Variants in HEPHL1 observed in about 807,000 individuals in gnomAD.
HEPHL1 encodes the protein ferroxidase HEPHL1.
HEPHL1 carries 123 observed loss-of-function variants against 122.0 expected under a neutral mutation model. That is an observed-to-expected ratio of 1.01 (90% CI 0.87 to 1.17). HEPHL1 has a LOEUF of 1.17. Among genes scored for constraint, HEPHL1 ranks in the 50% most tolerant of loss-of-function variants. HEPHL1 has a pLI of 0.00. For missense variants in HEPHL1, 1,452 were observed against 1,430.5 expected (o/e 1.01, Z -0.24); for synonymous variants, 527 against 508.9 (o/e 1.04, Z -0.48).
Position 94,070,671 on chromosome 11 carries a change from C to A in HEPHL1, c.1232+129C>A, listed in dbSNP as rs148179366. On this transcript the variant is annotated intron_variant, in intron 6 of 19. Coordinates refer to ENST00000315765, the MANE Select transcript of HEPHL1 (RefSeq NM_001098672.2). Reference sequence around the variant, plus strand: ...ATACTGCATAGATGGCATAATGTAGCTGCTTAAGGTGTTCTTAATACTGCA... The same window carrying A: ...ATACTGCATAGATGGCATAATGTAGATGCTTAAGGTGTTCTTAATACTGCA... 2.7e-3 allele frequency: 1,978 copies of A among 731,308 alleles called. 5 individuals are homozygous for A. The highest frequency in any genetic ancestry group is 0.019 in the Middle Eastern group (51 of 2,638). 45.3% of individuals were successfully genotyped at this position (731,308 alleles called of 1,614,324 possible).
chr11:94,095,749 A>T (rs1164539672), intron 13 of HEPHL1, among the ~76,000 whole-genome samples: 2 of 152,090 alleles, frequency 1.3e-5, no homozygotes, highest in Admixed American at 6.5e-5. Flanking sequence ...ATCCCTTGTA[A>T]GTTGGATTCC....
chr11:94,044,055 G>T (rs1435284433), intron 1 of HEPHL1, among the ~76,000 whole-genome samples: 1 of 151,930 alleles, frequency 6.6e-6, no homozygotes, highest in South Asian at 2.1e-4. Flanking sequence ...CCCAGGAGTG[G>T]TGGAGCTTTT....
intron 1 of HEPHL1, 30 bp downstream of exon 1, chr11:94,021,568 C>G: frequency 6.5e-7 from 1 of 1,539,354 alleles, no homozygotes; most frequent in South Asian, 1.2e-5. Context: ...TCATTGACTC[C>G]CAGGTTTGGC....
At position 94,078,446 on chromosome 11, in the gene HEPHL1, CAT is replaced by C. The variant is rs6144452; in HGVS notation, c.1716+3090_1716+3091del. ...GACACCAGCCACTACTCAGATGTTC[CAT>C]ATATATATATATATATATATATATA... is the stretch of plus-strand genomic sequence containing the variant. On this transcript the variant is annotated intron_variant, in intron 9 of 19. Transcript: ENST00000315765. Among the ~76,000 whole-genome samples, 55 of 111,556 alleles carry C rather than the reference CAT, an allele frequency of 4.9e-4. 2 individuals are homozygous for C. The highest frequency in any genetic ancestry group is 2.2e-3 in the East Asian group (9 of 4,010). The allele number at this position is 111,556 out of a possible 152,430, so 73.2% of individuals were successfully genotyped here.
intron 2 of HEPHL1, among the ~76,000 whole-genome samples, chr11:94,051,971 G>A (rs1205392971): frequency 6.6e-6 from 1 of 152,116 alleles, no homozygotes; most frequent in East Asian, 1.9e-4. Flanking sequence ...TTATTTCCAG[G>A]TTCTCTATTC....
At chr11:94,065,752 G>T (rs1345647883) in intron 4 of HEPHL1, among the ~76,000 whole-genome samples, 1 of 152,142 alleles carries the variant, frequency 6.6e-6, no homozygotes, top group Non-Finnish European at 1.5e-5. Flanking sequence ...CTCAAATATT[G>T]CAGAAAACTA....
At chr11:94,035,837 C>T (rs373240713) in intron 1 of HEPHL1, among the ~76,000 whole-genome samples, 3 of 152,248 alleles carry the variant, frequency 2.0e-5, no homozygotes, top group South Asian at 2.1e-4. Flanking sequence ...CCTGGGTTCA[C>T]GCCATTCTCC....
chr11:94,107,024 A>G (rs1946414787), intron 17 of HEPHL1, among the ~76,000 whole-genome samples: 1 of 152,094 alleles, frequency 6.6e-6, no homozygotes, highest in African/African-American at 2.4e-5. Context: ...CCCAACTGCC[A>G]GGCCCGACCC....
At chr11:94,076,425 G>A (rs1292258788) in intron 9 of HEPHL1, among the ~76,000 whole-genome samples, 4 of 152,178 alleles carry the variant, frequency 2.6e-5, no homozygotes, top group South Asian at 2.1e-4. Context: ...TTGCTTCCTC[G>A]CAGCTAAATA....
At chr11:94,037,012 G>A (rs1248485808) in intron 1 of HEPHL1, among the ~76,000 whole-genome samples, 6 of 152,266 alleles carry the variant, frequency 3.9e-5, no homozygotes, top group South Asian at 4.1e-4. Context: ...GTGGGTGCGC[G>A]CACCGTGCAC....
Position 94,112,725 on chromosome 11 carries a change from G to A in HEPHL1, c.*831G>A, listed in dbSNP as rs1454915070. 6.6e-6 allele frequency: 1 copy of A among 152,204 alleles called. No homozygotes were observed. Among genetic ancestry groups the A allele is most frequent in the East Asian group, 1.9e-4 (1 of 5,196 alleles). The allele number at this position is 152,204 out of a possible 1,614,324, so 9.4% of individuals were successfully genotyped here. A position where few individuals can be genotyped will look rare whatever the true frequency, so the allele number is the denominator to read the frequency against. On this transcript the variant is annotated 3_prime_UTR_variant, in exon 20 of 20. Transcript: ENST00000315765. ...AGAACATGTTAGGCTCTCCCTTTAT[G>A]AATCAGGGACTCCCTGAGAGTTTAG...
chr11:94,022,074 T>A (rs1341447597), intron 1 of HEPHL1, among the ~76,000 whole-genome samples: 1 of 152,226 alleles, frequency 6.6e-6, no homozygotes, highest in East Asian at 1.9e-4. Flanking sequence ...GCGCTTTCAC[T>A]GGTAAAAAGT....
rs141998596 is a variant in HEPHL1 at position 94,067,526 on chromosome 11, C to T, written c.839C>T (p.Pro280Leu). Residue 280 changes from proline (P) to leucine (L), a missense_variant, in exon 5 of 20, where the codon CCG becomes CTG. Coordinates refer to ENST00000315765, the MANE Select transcript of HEPHL1 (RefSeq NM_001098672.2). ...AATGGATACCTCTTCGGAAACTTCC[C>T]GGAGCCTGATATGTGTGTTGGAGAA... is the stretch of plus-strand genomic sequence containing the variant. ...ALNGYLFGNFPEPDMCVGESV... is the reference protein window; with the variant it reads ...ALNGYLFGNFLEPDMCVGESV... 168 of 1,613,528 alleles carry T rather than the reference C, an allele frequency of 1.0e-4. No individual in the cohort carries two copies. The East Asian group carries it at 3.3e-3, about 32-fold the overall frequency.
At chr11:94,078,458 T>TATATATATATAC (rs1318768355) in intron 9 of HEPHL1, among the ~76,000 whole-genome samples, 6 of 41,674 alleles carry the variant, frequency 1.4e-4, no homozygotes, top group Non-Finnish European at 3.3e-4. Flanking sequence ...TATATATATA[T>TATATATATATAC]ATATATATAT....
Position 94,075,361 on chromosome 11 carries a change from C to T in HEPHL1, c.1692C>T (p.Gly564=), listed in dbSNP as rs1293721982. The change falls in exon 9 of 20, where the codon GGC becomes GGT. Residue 564 remains glycine, a synonymous_variant. Coordinates refer to ENST00000315765, the MANE Select transcript of HEPHL1 (RefSeq NM_001098672.2). ...LVGPLLVCKK[G]VLNADGTQKG... is the part of the protein sequence containing the mutation. ...GGCCTTTGCTAGTCTGTAAAAAGGG[C>T]GTCCTCAATGCTGATGGGACACAGG... 3 of 1,612,598 alleles carry T rather than the reference C, an allele frequency of 1.9e-6. No individual in the cohort carries two copies. Among genetic ancestry groups the T allele is most frequent in the East Asian group, 4.5e-5 (2 of 44,872 alleles).
At chr11:94,106,592 G>A (rs1289264759) in intron 17 of HEPHL1, among the ~76,000 whole-genome samples, 1 of 152,098 alleles carries the variant, frequency 6.6e-6, no homozygotes, top group Non-Finnish European at 1.5e-5. Flanking sequence ...ACCACGCCAG[G>A]CCTGGCTATT....
intron 2 of HEPHL1, among the ~76,000 whole-genome samples, chr11:94,057,265 C>T (rs532170417): frequency 6.6e-6 from 1 of 152,048 alleles, no homozygotes; most frequent in Non-Finnish European, 1.5e-5. Context: ...AATTTTGGCT[C>T]ATTAGGCTTC....
rs775680596 is a variant in HEPHL1, at chr11:94,093,640, G to A, written c.2434G>A (p.Gly812Ser). 18 of 1,611,978 alleles carry A rather than the reference G, an allele frequency of 1.1e-5. No individual in the cohort carries two copies. In the South Asian group the frequency reaches 2.0e-4, roughly 18 times the overall value. Reference sequence around the variant, plus strand: ...ACGAGAGGAGCACTTAGAACTCCTGGGTATGGCACAGATTTCAGGCGTGCA... The same window carrying A: ...ACGAGAGGAGCACTTAGAACTCCTGAGTATGGCACAGATTTCAGGCGTGCA... The part of the protein sequence containing the change: ...PPREEHLELL[G>S]PMIHAEVGNT... The change falls in exon 13 of 20, where the codon GGC becomes AGC. Residue 812 changes from glycine to serine, a missense_variant and splice_region_variant. Gly to Ser is a moderately conservative substitution (Grantham distance 56). Transcript: ENST00000315765.
rs549806409 is a variant in HEPHL1 at position 94,099,537 on chromosome 11, A to G, written c.2435-1658A>G. Among the ~76,000 whole-genome samples the G allele has an allele frequency of 1.1e-4, 16 of 152,236 alleles. No individual in the cohort carries two copies. In the South Asian group the frequency reaches 3.3e-3, roughly 32 times the overall value. On this transcript the variant is annotated intron_variant, in intron 13 of 19. Coordinates refer to ENST00000315765, the MANE Select transcript of HEPHL1 (RefSeq NM_001098672.2). The stretch of plus-strand genomic sequence containing the variant: ...CTGGGAGAACCACTACTCTCTTCAA[A>G]GCTGTCAGACAGGGACATTTACGTC...
Sources: gnomAD v4.1 joint callset for allele counts (sites outside exome capture counted in the v4.1 genomes callset) on GRCh38, gnomAD v4.1.1 for gene constraint, MANE v1.5 for transcripts, NCBI Gene and HGNC (gene_info 2026-07-23, HGNC 2026-07-21) for gene names.